The following WWTR1 variants were observed in gnomAD, a reference collection of about 807,000 sequenced individuals.
WWTR1 encodes WW domain-containing transcription regulator protein 1.
In WWTR1, 13 loss-of-function variants were observed where a neutral mutation model predicts 40.1. The observed-to-expected ratio is 0.32, with a 90% CI of 0.21 to 0.52. The LOEUF is 0.52. Among genes scored for constraint, WWTR1 ranks in the 20% least tolerant of loss-of-function variants. WWTR1 has a pLI of 0.97. For missense variants in WWTR1, 436 were observed against 523.1 expected (o/e 0.83, Z 1.63); for synonymous variants, 230 against 210.1 (o/e 1.09, Z -0.82).
chr3:149,594,565 A>G (rs900033593), intron 2 of WWTR1, among the ~76,000 whole-genome samples: 8 of 152,206 alleles, frequency 5.3e-5, no homozygotes, highest in African/African-American at 1.7e-4. Flanking sequence ...ATCGTGTGTG[A>G]TAGTGGTCTA....
In WWTR1 at chr3:149,599,257, C is replaced by A. The variant is rs142767693; in HGVS notation, c.432-26257G>T. On this transcript the variant is annotated intron_variant, in intron 2 of 6. Coordinates refer to ENST00000360632, the MANE Select transcript of WWTR1 (RefSeq NM_015472.6). Reference sequence around the variant, plus strand: ...ATTAGCAAATGGATTGTTCTTGGACCTTCTGCTAGTCTCAAAAGGATAAGC... The same window carrying A: ...ATTAGCAAATGGATTGTTCTTGGACATTCTGCTAGTCTCAAAAGGATAAGC... Among the ~76,000 whole-genome samples, 91 of 152,346 alleles carry A rather than the reference C, an allele frequency of 6.0e-4. 1 individual carries two copies. In the East Asian group the frequency reaches 7.7e-3, roughly 13 times the overall value.
intron 2 of WWTR1, among the ~76,000 whole-genome samples, chr3:149,581,480 T>A (rs1738151885): frequency 6.6e-6 from 1 of 152,210 alleles, no homozygotes; most frequent in African/African-American, 2.4e-5. Context: ...AGATTTTCAC[T>A]TAAGCAGCTC....
intron 5 of WWTR1, among the ~76,000 whole-genome samples, chr3:149,714,975 A>G (rs1278541427): frequency 6.6e-6 from 1 of 152,114 alleles, no homozygotes; most frequent in African/African-American, 2.4e-5. Context: ...CTAGCTGCAG[A>G]GAGGAGCTAC....
upstream of WWTR1, among the ~76,000 whole-genome samples, chr3:149,660,869 C>G (rs188669028): frequency 3.9e-5 from 6 of 152,356 alleles, no homozygotes; most frequent in Admixed American, 2.0e-4. Flanking sequence ...TCCTAAGTCA[C>G]AGTTTACTCA....
At chr3:149,678,578 G>GC (rs1714349382) in intron 1 of WWTR1, among the ~76,000 whole-genome samples, 1 of 152,148 alleles carries the variant, frequency 6.6e-6, no homozygotes, top group Non-Finnish European at 1.5e-5. Flanking sequence ...TTGATCCACA[G>GC]CCTGAGGCAA....
chr3:149,631,287 C>A (rs189703683), intron 2 of WWTR1, among the ~76,000 whole-genome samples: 2 of 152,254 alleles, frequency 1.3e-5, no homozygotes, highest in East Asian at 3.9e-4. Context: ...TTTCTAAAAC[C>A]TCCTTACTTT....
intron 1 of WWTR1, among the ~76,000 whole-genome samples, chr3:149,683,549 C>T (rs974577456): frequency 1.3e-5 from 2 of 152,152 alleles, no homozygotes; most frequent in South Asian, 4.1e-4. Context: ...CAAAAATTAG[C>T]TGGGCATGGT....
intron 2 of WWTR1, among the ~76,000 whole-genome samples, chr3:149,615,741 C>A (rs890186187): frequency 3.9e-5 from 6 of 152,102 alleles, no homozygotes; most frequent in Non-Finnish European, 8.8e-5. Flanking sequence ...GGAAACAGAT[C>A]GAAAGAAACA....
At chr3:149,674,212 A>G (rs954017510) in intron 1 of WWTR1, among the ~76,000 whole-genome samples, 8 of 126,742 alleles carry the variant, frequency 6.3e-5, no homozygotes, top group African/African-American at 2.2e-4. Flanking sequence ...AGAGCAAGAC[A>G]CTGTCTCTCT....
At chr3:149,670,859 C>T (rs1312753226) in intron 1 of WWTR1, 2 of 152,096 alleles carry the variant, frequency 1.3e-5, no homozygotes, top group African/African-American at 4.8e-5. Context: ...AAAGTTATCA[C>T]ACTGCTTAGG....
intron 6 of WWTR1, 99 bp from the exon 7 acceptor site, chr3:149,521,088 A>C: frequency 7.5e-7 from 1 of 1,326,724 alleles, no homozygotes; most frequent in African/African-American, 1.5e-5. Context: ...TCATGTCTTC[A>C]ACTACCACAT....
chr3:149,653,770 G>A (rs1467341852), intron 2 of WWTR1, among the ~76,000 whole-genome samples: 1 of 152,102 alleles, frequency 6.6e-6, no homozygotes, highest in East Asian at 1.9e-4. Flanking sequence ...GAAAACTGTT[G>A]CCTAAGTAGA....
chr3:149,589,437 A>T (rs1738592942), intron 2 of WWTR1, among the ~76,000 whole-genome samples: 1 of 152,130 alleles, frequency 6.6e-6, no homozygotes. Context: ...TTCACAACAA[A>T]TAATGGTTTA....
upstream of WWTR1, among the ~76,000 whole-genome samples, chr3:149,704,178 C>T (rs1440277833): frequency 1.3e-5 from 2 of 152,030 alleles, no homozygotes; most frequent in Non-Finnish European, 2.9e-5. Flanking sequence ...TTAAAGATGG[C>T]TGATTGAACA....
chr3:149,649,827 G>C (rs1262278802), intron 2 of WWTR1: 1 of 147,820 alleles, frequency 6.8e-6, no homozygotes, highest in African/African-American at 2.5e-5. Context: ...TGAGGCAGGA[G>C]AATCAGCTGA....
intron 1 of WWTR1, among the ~76,000 whole-genome samples, chr3:149,681,286 A>G (rs1186974040): frequency 1.3e-5 from 2 of 152,226 alleles, no homozygotes; most frequent in East Asian, 3.8e-4. Flanking sequence ...ACCATTTTAC[A>G]TTTCCACCAA....
chr3:149,546,190 C>G (rs966283619), intron 3 of WWTR1, among the ~76,000 whole-genome samples: 1 of 152,178 alleles, frequency 6.6e-6, no homozygotes, highest in African/African-American at 2.4e-5. Context: ...TAGATTTGAT[C>G]TTTCAGACTA....
At position 149,520,819 on chromosome 3, in the gene WWTR1, G is replaced by A. The variant is rs774416116; in HGVS notation, c.1189C>T (p.Leu397=). ...ESALNKSEPF[L]TWL ...AATGGTAGTGATTACAGCCAGGTTA[G>A]AAAGGGCTCACTTTTGTTCAGAGCA... Residue 397 remains leucine, a synonymous_variant, in exon 7 of 7, where the codon CTA becomes TTA. Coordinates refer to ENST00000360632, the MANE Select transcript of WWTR1 (RefSeq NM_015472.6). The A allele has an allele frequency of 6.3e-7, 1 of 1,597,508 alleles. No homozygotes were observed. Among genetic ancestry groups the A allele is most frequent in the Non-Finnish European group, 8.5e-7 (1 of 1,174,018 alleles).
chr3:149,607,832 A>G (rs900071370), intron 2 of WWTR1, among the ~76,000 whole-genome samples: 4 of 152,234 alleles, frequency 2.6e-5, no homozygotes, highest in Admixed American at 2.0e-4. Flanking sequence ...TAATTCAAAA[A>G]CATTACTCAG....
Sources: allele counts gnomAD v4.1 joint callset (sites outside exome capture counted in the v4.1 genomes callset), GRCh38; gene constraint gnomAD v4.1.1; transcripts MANE v1.5; gene names NCBI Gene and HGNC (gene_info 2026-07-23, HGNC 2026-07-21).